PDZD9: variants seen among roughly 807,000 people sequenced by gnomAD.
The protein encoded by PDZD9 is PDZ domain-containing protein 9.
Under a neutral mutation model 16.3 loss-of-function variants are expected in PDZD9, and 13 were observed. The observed-to-expected ratio is 0.80, with a 90% CI of 0.52 to 1.27. PDZD9 has a LOEUF of 1.27. Ranked by LOEUF, PDZD9 falls within the 50% of genes most tolerant of loss-of-function variation. PDZD9 has a pLI of 0.00. For missense variants in PDZD9, 288 were observed against 310.9 expected, an observed-to-expected ratio of 0.93 and a Z score of 0.55; for synonymous variants, 120 against 111.0, an observed-to-expected ratio of 1.08 and a Z score of -0.51.
chr16:21,979,796 A>G (rs1484781429), downstream of PDZD9, among the ~76,000 whole-genome samples: 1 of 152,160 alleles, frequency 6.6e-6, no homozygotes. Flanking sequence ...TGTTGTCAGT[A>G]AGTAATAGGA....
chr16:21,996,126 T>C lies in PDZD9; in HGVS notation c.211+196A>G, dbSNP rs148072261. Among the ~76,000 whole-genome samples the C allele has an allele frequency of 3.9e-5, 6 of 152,274 alleles. No homozygotes were observed. The East Asian group carries it at 9.6e-4, about 24-fold the overall frequency. ...TTTTAGTAGAGACAAAGTTTTACCA[T>C]GTTGGCCAGGCTGGTCTCAAACTCC... On this transcript the variant is annotated intron_variant, in intron 2 of 3. Coordinates refer to ENST00000424898, the MANE Select transcript of PDZD9 (RefSeq NM_001363519.1).
chr16:21,986,290 A>G (rs1425819472), intron 3 of PDZD9, among the ~76,000 whole-genome samples: 1 of 152,188 alleles, frequency 6.6e-6, no homozygotes, highest in Non-Finnish European at 1.5e-5. Context: ...TAAGAAAGGG[A>G]ATCAGCAGGT....
At chr16:22,000,869 TG>T in intron 1 of PDZD9, 147 bp downstream of exon 1, 7 of 694,506 alleles carry the variant, frequency 1.0e-5, no homozygotes, top group South Asian at 5.3e-5. Flanking sequence ...ATGATGATGA[TG>T]ATGATAATGA....
At chr16:21,995,463 C>G (rs557458314) in intron 2 of PDZD9, among the ~76,000 whole-genome samples, 1 of 152,346 alleles carries the variant, frequency 6.6e-6, no homozygotes, top group African/African-American at 2.4e-5. Context: ...ATCCTCCCAC[C>G]TTGGCTTCCC....
chr16:21,963,033 G>A, the PDZD9 span: 19 of 1,079,038 alleles, frequency 1.8e-5, no homozygotes, highest in South Asian at 1.5e-4. Flanking sequence ...CTGTCACCCA[G>A]GCTGGAGTGC....
At chr16:21,965,355 G>A in the PDZD9 span, 2 of 1,555,868 alleles carry the variant, frequency 1.3e-6, no homozygotes, top group Non-Finnish European at 1.8e-6. Flanking sequence ...TTTTAAAAAT[G>A]TTGTCTTTAC....
the PDZD9 span, among the ~76,000 whole-genome samples, chr16:21,960,781 G>A: frequency 6.6e-6 from 1 of 152,046 alleles, no homozygotes; most frequent in Non-Finnish European, 1.5e-5. Context: ...AAAGACTTGG[G>A]GAGCAGCTGG....
the PDZD9 span, among the ~76,000 whole-genome samples, chr16:21,977,730 C>A: frequency 6.6e-6 from 1 of 152,198 alleles, no homozygotes; most frequent in African/African-American, 2.4e-5. Flanking sequence ...GTGAATCTTG[C>A]AACTCCAGTG....
At chr16:21,972,133 A>G in the PDZD9 span, 1 of 1,609,418 alleles carries the variant, frequency 6.2e-7, no homozygotes, top group Non-Finnish European at 8.5e-7. Context: ...GTGAGTCTGA[A>G]CAGTTGGTAT....
chr16:21,984,474 A>G lies in PDZD9; in HGVS notation c.588T>C (p.Ile196=). 1.9e-6 allele frequency: 3 copies of G among 1,613,156 alleles called. No individual in the cohort carries two copies. The highest frequency in any genetic ancestry group is 2.5e-6 in the Non-Finnish European group (3 of 1,179,196). ...WHGYKKKNHT[I]SVGKDINCDV... is the part of the protein sequence containing the mutation. The stretch of plus-strand genomic sequence containing the variant: ...CACAATTAATGTCTTTTCCTACACT[A>G]ATAGTATGGTTCTTCTTCTTATATC... The change falls in exon 4 of 4, where the codon ATT becomes ATC. Residue 196 remains isoleucine, a synonymous_variant. Coordinates refer to ENST00000424898, the MANE Select transcript of PDZD9 (RefSeq NM_001363519.1).
the PDZD9 span, chr16:21,962,107 G>T: frequency 4.9e-6 from 1 of 202,616 alleles, no homozygotes; most frequent in Non-Finnish European, 1.0e-5. Flanking sequence ...TTTGGCAACT[G>T]CCATTCTCTT....
chr16:21,971,871 C>G, the PDZD9 span: 1 of 1,606,560 alleles, frequency 6.2e-7, no homozygotes, highest in Non-Finnish European at 8.5e-7. Context: ...AGAATGAAAC[C>G]AATGGTGAAC....
At position 21,984,266 on chromosome 16, in the gene PDZD9, G is replaced by T. The variant is rs1898811352; in HGVS notation, c.*1C>A. 6.2e-7 allele frequency: 1 copy of T among 1,603,628 alleles called. No homozygotes were observed. Among genetic ancestry groups the T allele is most frequent in the Admixed American group, 1.7e-5 (1 of 58,966 alleles). On this transcript the variant is annotated 3_prime_UTR_variant, in exon 4 of 4. Coordinates refer to ENST00000424898, the MANE Select transcript of PDZD9 (RefSeq NM_001363519.1). ...TAAATGCTCATATGACCACAGATTT[G>T]CTAACCAACCTTTGATACCAGTTGG...
At chr16:21,974,812 C>T in the PDZD9 span, among the ~76,000 whole-genome samples, 6 of 152,178 alleles carry the variant, frequency 3.9e-5, no homozygotes, top group African/African-American at 1.2e-4. Context: ...GGATCCAGCA[C>T]ACAAGTGGAC....
At chr16:21,963,616 A>G in the PDZD9 span, among the ~76,000 whole-genome samples, 6 of 152,054 alleles carry the variant, frequency 3.9e-5, no homozygotes, top group Non-Finnish European at 7.4e-5. Flanking sequence ...GGCACACACC[A>G]CCGCACCCTG....
chr16:21,989,681 G>C (rs750303073), intron 2 of PDZD9, among the ~76,000 whole-genome samples: 4 of 152,184 alleles, frequency 2.6e-5, no homozygotes, highest in Non-Finnish European at 5.9e-5. Flanking sequence ...TGTGTATGCA[G>C]TGAGTATGTT....
At chr16:21,992,817 C>A (rs1258981145) in intron 2 of PDZD9, among the ~76,000 whole-genome samples, 1 of 152,118 alleles carries the variant, frequency 6.6e-6, no homozygotes, top group Non-Finnish European at 1.5e-5. Context: ...AGGGGCAGAA[C>A]AATATGGTTT....
At chr16:21,971,437 A>G in the PDZD9 span, 9 of 1,106,502 alleles carry the variant, frequency 8.1e-6, no homozygotes, top group Admixed American at 2.0e-4. Context: ...GGATTTTACA[A>G]TCGTATTTTT....
At position 21,984,400 on chromosome 16, in the gene PDZD9, G is replaced by GGA. The variant is rs1898818174; in HGVS notation, c.660_661dup (p.Pro221LeufsTer5). ...GTCTTGCTTCACCATTATCCAGTATGGAGAAGGGGCCCTCACTTCTTTCTT... is the reference window on the plus strand; with the variant it reads ...GTCTTGCTTCACCATTATCCAGTATGGAGAGAAGGGGCCCTCACTTCTTTCTT... On this transcript the variant is annotated frameshift_variant, in exon 4 of 4. Coordinates refer to ENST00000424898, the MANE Select transcript of PDZD9 (RefSeq NM_001363519.1). LOFTEE classifies it low-confidence loss of function (END_TRUNC). 6.2e-7 allele frequency: 1 copy of GGA among 1,614,138 alleles called. No individual in the cohort carries two copies.
Sources: allele counts gnomAD v4.1 joint callset (sites outside exome capture counted in the v4.1 genomes callset), GRCh38; gene constraint gnomAD v4.1.1; transcripts MANE v1.5; gene names NCBI Gene and HGNC (gene_info 2026-07-23, HGNC 2026-07-21).